Variants in CSMD3 observed in about 807,000 individuals in gnomAD.
The protein encoded by CSMD3 is CUB and Sushi multiple domains 3, also known as CUB and sushi domain-containing protein 3.
In CSMD3, 177 loss-of-function variants were observed where a neutral mutation model predicts 435.2. That is an observed-to-expected ratio of 0.41 (90% CI 0.36 to 0.46). The LOEUF is 0.46. CSMD3 is among the 20% of genes least tolerant of loss of function. The pLI is 0.34. For missense variants in CSMD3, 4,265 were observed against 4,504.6 expected (o/e 0.95, Z 1.52); for synonymous variants, 1,656 against 1,520.5 (o/e 1.09, Z -2.07).
At position 112,290,160 on chromosome 8, in the gene CSMD3, A is replaced by G. The variant is rs886159461; in HGVS notation, c.8975-622T>C. Among the ~76,000 whole-genome samples the G allele has an allele frequency of 3.3e-5, 5 of 152,224 alleles. No homozygotes were observed. The South Asian group carries it at 1.0e-3, about 32-fold the overall frequency. Reference sequence around the variant, plus strand: ...CTACTCATAGCAGAATCAAAAGTCAATACATTGTAGAATATTCTTTATGAG... The same window carrying G: ...CTACTCATAGCAGAATCAAAAGTCAGTACATTGTAGAATATTCTTTATGAG... On this transcript the variant is annotated intron_variant, in intron 56 of 70. Coordinates refer to ENST00000297405, the MANE Select transcript of CSMD3 (RefSeq NM_198123.2).
At chr8:113,373,618 T>G (rs1239777234) in intron 1 of CSMD3, among the ~76,000 whole-genome samples, 2 of 152,072 alleles carry the variant, frequency 1.3e-5, no homozygotes, top group Non-Finnish European at 2.9e-5. Context: ...ATTTTGAAAT[T>G]TTGTCTACCT....
At chr8:112,750,621 C>A (rs1320622317) in intron 13 of CSMD3, among the ~76,000 whole-genome samples, 1 of 151,964 alleles carries the variant, frequency 6.6e-6, no homozygotes, top group Non-Finnish European at 1.5e-5. Context: ...TTACAGCAGG[C>A]AGGTCCTGGC....
At chr8:112,694,453 G>A (rs889117603) in intron 13 of CSMD3, among the ~76,000 whole-genome samples, 2 of 151,832 alleles carry the variant, frequency 1.3e-5, no homozygotes, top group South Asian at 2.1e-4. Flanking sequence ...TTTTAAATAC[G>A]CTTTCTATTA....
intron 27 of CSMD3, among the ~76,000 whole-genome samples, chr8:112,545,828 C>T (rs957847172): frequency 1.3e-5 from 2 of 152,022 alleles, no homozygotes; most frequent in Non-Finnish European, 2.9e-5. Flanking sequence ...TAATGAACTA[C>T]TAATAGTGAT....
At chr8:112,923,956 A>G (rs1486649394) in intron 9 of CSMD3, among the ~76,000 whole-genome samples, 1 of 152,120 alleles carries the variant, frequency 6.6e-6, no homozygotes, top group Non-Finnish European at 1.5e-5. Context: ...ACTATTTCCC[A>G]TTGCCTGCTG....
chr8:113,386,479 G>A (rs1347792717), intron 1 of CSMD3, among the ~76,000 whole-genome samples: 1 of 151,760 alleles, frequency 6.6e-6, no homozygotes, highest in Non-Finnish European at 1.5e-5. Flanking sequence ...TAATAAATAA[G>A]AACTTTTACA....
intron 22 of CSMD3, among the ~76,000 whole-genome samples, chr8:112,602,289 A>T (rs75857552): frequency 0.016 from 2,445 of 152,202 alleles, 68 homozygotes; most frequent in African/African-American, 0.056. Context: ...CTCTCTATGC[A>T]TTTGAAAATT....
chr8:113,283,369 A>T (rs1024371864), intron 2 of CSMD3, among the ~76,000 whole-genome samples: 2 of 152,044 alleles, frequency 1.3e-5, no homozygotes, highest in East Asian at 3.8e-4. Flanking sequence ...ATCTGTAACC[A>T]ACTCAAATCA....
intron 6 of CSMD3, among the ~76,000 whole-genome samples, chr8:113,002,622 A>T (rs1234350774): frequency 2.0e-5 from 3 of 152,130 alleles, no homozygotes; most frequent in Admixed American, 6.6e-5. Context: ...ATTTTGAGTC[A>T]TATAAAGACT....
At chr8:112,922,701 G>T (rs112191678) in intron 9 of CSMD3, among the ~76,000 whole-genome samples, 1 of 151,946 alleles carries the variant, frequency 6.6e-6, no homozygotes, top group African/African-American at 2.4e-5. Flanking sequence ...AAATGACAGG[G>T]CTCCATACAT....
At chr8:112,936,742 A>G (rs765570548) in intron 9 of CSMD3, among the ~76,000 whole-genome samples, 4 of 152,156 alleles carry the variant, frequency 2.6e-5, no homozygotes, top group Non-Finnish European at 4.4e-5. Flanking sequence ...ATCTAGAAAT[A>G]CTTTAATTCA....
rs149899922 is a variant in CSMD3, at chr8:113,262,819, G to A, written c.514+15773C>T. ...AAAGAGGACCCTGAGTCTTAGACATGAATCACAGAGCTGCCAACGCCTGGA... is the reference window on the plus strand; with the variant it reads ...AAAGAGGACCCTGAGTCTTAGACATAAATCACAGAGCTGCCAACGCCTGGA... On this transcript the variant is annotated intron_variant, in intron 3 of 70. Transcript: ENST00000297405. Among the ~76,000 whole-genome samples the A allele has an allele frequency of 7.5e-3, 1,134 of 152,152 alleles. 16 individuals carry two copies. Among genetic ancestry groups the A allele is most frequent in the African/African-American group, 0.026 (1,063 of 41,532 alleles).
chr8:112,303,051 G>A (rs926871216), intron 52 of CSMD3, among the ~76,000 whole-genome samples: 1 of 151,938 alleles, frequency 6.6e-6, no homozygotes, highest in Non-Finnish European at 1.5e-5. Flanking sequence ...ACATAGTAAA[G>A]AATCTAACAC....
At chr8:112,793,800 A>G in intron 13 of CSMD3, among the ~76,000 whole-genome samples, 1 of 152,162 alleles carries the variant, frequency 6.6e-6, no homozygotes. Context: ...GTAAAAGAAG[A>G]AGTCACATCC....
chr8:112,407,856 T>A (rs1831995985), intron 34 of CSMD3, among the ~76,000 whole-genome samples: 1 of 152,056 alleles, frequency 6.6e-6, no homozygotes, highest in Non-Finnish European at 1.5e-5. Flanking sequence ...ACAAAAGTCC[T>A]AATAACTGAA....
chr8:113,027,183 G>T (rs1192187078), intron 5 of CSMD3, among the ~76,000 whole-genome samples: 1 of 152,028 alleles, frequency 6.6e-6, no homozygotes, highest in African/African-American at 2.4e-5. Context: ...TCTTAAAACT[G>T]CCCAGCAAAC....
At chr8:112,264,494 C>G (rs1261683217) in intron 60 of CSMD3, among the ~76,000 whole-genome samples, 1 of 151,942 alleles carries the variant, frequency 6.6e-6, no homozygotes, top group Non-Finnish European at 1.5e-5. Flanking sequence ...ATTATGAGAA[C>G]TAAAAACATA....
At chr8:112,914,371 G>T (rs1204950186) in intron 10 of CSMD3, among the ~76,000 whole-genome samples, 1 of 151,676 alleles carries the variant, frequency 6.6e-6, no homozygotes, top group East Asian at 2.0e-4. Flanking sequence ...TTCTTACATT[G>T]TGTCTAGCAT....
intron 41 of CSMD3, among the ~76,000 whole-genome samples, chr8:112,345,181 G>T (rs1324152323): frequency 6.6e-6 from 1 of 152,190 alleles, no homozygotes; most frequent in Admixed American, 6.5e-5. Context: ...CAATATGGAG[G>T]TTCCACAAAA....
Sources: allele counts gnomAD v4.1 joint callset (sites outside exome capture counted in the v4.1 genomes callset), GRCh38; gene constraint gnomAD v4.1.1; transcripts MANE v1.5; gene names NCBI Gene and HGNC (gene_info 2026-07-23, HGNC 2026-07-21).